The following SMPD4 variants were observed in gnomAD, a reference collection of about 807,000 sequenced individuals.
SMPD4 encodes neutral sphingomyelinase 3.
A neutral mutation model predicts 97.8 loss-of-function variants in SMPD4; 58 were observed. That is an observed-to-expected ratio of 0.59 (90% confidence interval 0.48 to 0.74). SMPD4 has a LOEUF of 0.74. Among genes scored for constraint, SMPD4 ranks in the 30% least tolerant of loss-of-function variants. The pLI is 0.00. For missense variants in SMPD4, 853 were observed against 1,080.5 expected (o/e 0.79, Z 2.95); for synonymous variants, 388 against 450.0 (o/e 0.86, Z 1.74).
chr2:130,155,439 G>A (rs779629972), intron 14 of SMPD4, among the ~76,000 whole-genome samples, 180 bp from the exon 15 acceptor site: 14 of 152,146 alleles, frequency 9.2e-5, no homozygotes, highest in Non-Finnish European at 1.8e-4. Context: ...GGACAGGACA[G>A]AGGCAGGTAA....
intron 1 of SMPD4, among the ~76,000 whole-genome samples, chr2:130,176,913 G>T (rs1419851588): frequency 2.0e-5 from 3 of 152,176 alleles, no homozygotes; most frequent in African/African-American, 7.2e-5. Flanking sequence ...TGATGCCCAG[G>T]ATCCTGGCCT....
intron 9 of SMPD4, among the ~76,000 whole-genome samples, chr2:130,166,308 CAAAAAAA>C (rs56226182): frequency 6.6e-5 from 4 of 60,902 alleles, no homozygotes; most frequent in African/African-American, 2.5e-4. Flanking sequence ...GACTCCATCT[CAAAAAAA>C]AAAAAAAAAA....
At chr2:130,178,451 A>C (rs1689173929) in intron 1 of SMPD4, among the ~76,000 whole-genome samples, 1 of 152,182 alleles carries the variant, frequency 6.6e-6, no homozygotes, top group East Asian at 1.9e-4. Context: ...CAATGAACGG[A>C]GGGGAAGAGC....
rs1385723268 is a variant in SMPD4 at position 130,173,501 on chromosome 2, C to T, written c.269+13G>A. On this transcript the variant is annotated intron_variant, in intron 4 of 19. Transcript: ENST00000680298. ...GAATCACCCAGCCTCTCTCCGGTGA[C>T]CAACCTACCTACCCAGGGTCGAGAA... 1 of 1,592,462 alleles carries T rather than the reference C, an allele frequency of 6.3e-7. No individual in the cohort carries two copies. Among genetic ancestry groups the T allele is most frequent in the Non-Finnish European group, 8.6e-7 (1 of 1,166,626 alleles).
intron 9 of SMPD4, among the ~76,000 whole-genome samples, chr2:130,166,654 C>G (rs1186575703): frequency 1.3e-5 from 2 of 152,220 alleles, no homozygotes; most frequent in Non-Finnish European, 2.9e-5. Context: ...GCCCCAGGAT[C>G]CAGCGTCAGA....
chr2:130,152,874 T>C lies in SMPD4; in HGVS notation c.2165A>G (p.Gln722Arg), dbSNP rs770372771. 1.3e-6 allele frequency: 2 copies of C among 1,582,864 alleles called. No individual in the cohort carries two copies. Among genetic ancestry groups the C allele is most frequent in the Non-Finnish European group, 1.7e-6 (2 of 1,162,174 alleles). The change falls in exon 20 of 20, where the codon CAG becomes CGG. Residue 722 changes from glutamine to arginine, a missense_variant. Physicochemically the swap from Gln to Arg is conservative, Grantham distance 43. This residue lies in a region of SMPD4 where 511 missense variants were observed against 608.1 expected (regional missense o/e 0.84). Transcript: ENST00000680298. ...SSAINHRFAG[Q>R]MAALCSRDDF... ...ATCCCGGGAACACAGAGCCGCCATC[T>C]GTCCTGCAAACTGAAGCACAGACAG...
At chr2:130,178,405 A>G (rs1354598761) in intron 1 of SMPD4, among the ~76,000 whole-genome samples, 1 of 152,192 alleles carries the variant, frequency 6.6e-6, no homozygotes, top group African/African-American at 2.4e-5. Flanking sequence ...AAACTGAGAC[A>G]GGGGCAAATC....
Position 130,152,624 on chromosome 2 carries a change from G to A in SMPD4, c.2415C>T (p.Thr805=), listed in dbSNP as rs772834274. 7.7e-6 allele frequency: 12 copies of A among 1,555,350 alleles called. No individual in the cohort carries two copies. The highest frequency in any genetic ancestry group is 1.4e-5 in the African/African-American group (1 of 73,342). Residue 805 remains threonine, a synonymous_variant, in exon 20 of 20, where the codon ACC becomes ACT. Transcript: ENST00000680298. ...CAGAGGCGTAGAGGACATAGCCCAG[G>A]GTGAGCAGCAGCGTGCATGGGAGGG... ...VGPLPCTLLL[T]LGYVLYASAM...
At chr2:130,154,857 C>T (rs898349821) in intron 15 of SMPD4, 55 of 639,290 alleles carry the variant, frequency 8.6e-5, no homozygotes, top group Middle Eastern at 8.5e-4. Flanking sequence ...CGTGCCGGCC[C>T]GCTCTGTGGG....
rs2104793015 is a variant in SMPD4 at position 130,152,692 on chromosome 2, G to T, written c.2347C>A (p.Leu783Met). 1 of 1,573,400 alleles carries T rather than the reference G, an allele frequency of 6.4e-7. No individual in the cohort carries two copies. Among genetic ancestry groups the T allele is most frequent in the Non-Finnish European group, 8.6e-7 (1 of 1,160,684 alleles). ...FLGSYRTLVS[L>M]LLAFFVASLF... The stretch of plus-strand genomic sequence containing the variant: ...GAGGCCACGAAGAAGGCCAGCAGCA[G>T]CGAGACCAGCGTCCGGTAACTGCCC... The change falls in exon 20 of 20, where the codon CTG (leucine) becomes ATG (methionine). Residue 783 changes from leucine to methionine, a missense_variant. Leu to Met is a conservative substitution (Grantham distance 15). This residue lies in a region of SMPD4 where 511 missense variants were observed against 608.1 expected (regional missense o/e 0.84). Coordinates refer to ENST00000680298, the MANE Select transcript of SMPD4 (RefSeq NM_017951.5).
chr2:130,165,833 G>A (rs546263836), intron 9 of SMPD4, among the ~76,000 whole-genome samples: 4 of 152,218 alleles, frequency 2.6e-5, no homozygotes, highest in South Asian at 4.1e-4. Flanking sequence ...GCCTCCCAAC[G>A]CACTAAGATT....
Position 130,175,544 on chromosome 2 carries a change from A to G in SMPD4, c.40-544T>C, listed in dbSNP as rs1185425211. ...ACCACTAAACCAATGATCTTAAAAC[A>G]CAGGGCAGACAAAAATTATAGATGG... On this transcript the variant is annotated intron_variant, in intron 2 of 19. Coordinates refer to ENST00000680298, the MANE Select transcript of SMPD4 (RefSeq NM_017951.5). Among the ~76,000 whole-genome samples the G allele has an allele frequency of 3.3e-5, 5 of 152,204 alleles. No individual in the cohort carries two copies. In the East Asian group the frequency reaches 9.6e-4, roughly 29 times the overall value.
At position 130,167,681 on chromosome 2, in the gene SMPD4, C is replaced by T. The variant is rs894124895; in HGVS notation, c.660-91G>A. The T allele has an allele frequency of 5.4e-5, 76 of 1,416,546 alleles. No homozygotes were observed. In the Middle Eastern group the frequency reaches 9.8e-4, roughly 18 times the overall value. 87.7% of individuals were successfully genotyped at this position (1,416,546 alleles called of 1,614,324 possible). A position where few individuals can be genotyped will look rare whatever the true frequency, so the allele number is the denominator to read the frequency against. On this transcript the variant is annotated intron_variant, in intron 8 of 19. Transcript: ENST00000680298. ...GGGGCAATCTGGATATCAAAATCAA[C>T]GAGAGCAGGGACAGATTACAACTTG...
rs1688566910 is a variant in SMPD4 at position 130,172,490 on chromosome 2, A to C, written c.518T>G (p.Val173Gly). ...GTCTGAAGTACGGACGTGGAGGGAC[A>C]CAGGAAGTGGCTGGAAAACCAAGCT... is the stretch of plus-strand genomic sequence containing the variant. Reference protein sequence around the residue: ...LSLITQKPLPVSLHVRTSDCA... With the variant: ...LSLITQKPLPGSLHVRTSDCA... Residue 173 changes from valine (V) to glycine (G), a missense_variant, in exon 8 of 20, where the codon GTG (valine) becomes GGG (glycine). By Grantham distance (109) the Val-to-Gly change is moderately radical. Coordinates refer to ENST00000680298, the MANE Select transcript of SMPD4 (RefSeq NM_017951.5). The C allele has an allele frequency of 6.2e-7, 1 of 1,611,332 alleles. No individual in the cohort carries two copies. Among genetic ancestry groups the C allele is most frequent in the African/African-American group, 1.3e-5 (1 of 74,900 alleles).
chr2:130,166,844 G>A (rs1164923000), intron 9 of SMPD4, among the ~76,000 whole-genome samples: 1 of 152,256 alleles, frequency 6.6e-6, no homozygotes, highest in Non-Finnish European at 1.5e-5. Flanking sequence ...GCCTGTGGAG[G>A]CTGCACAGAC....
Position 130,153,350 on chromosome 2 carries a change from C to A in SMPD4, c.1994G>T (p.Gly665Val), listed in dbSNP as rs756822260. The A allele has an allele frequency of 1.2e-6, 2 of 1,613,826 alleles. No individual in the cohort carries two copies. Among genetic ancestry groups the A allele is most frequent in the South Asian group, 2.2e-5 (2 of 91,074 alleles). The change falls in exon 18 of 20, where the codon GGA becomes GTA. Residue 665 changes from glycine to valine, a missense_variant. Gly to Val is a moderately radical substitution (Grantham distance 109). Around this residue, in one of 3 missense-constraint regions of SMPD4, gnomAD observed 511 missense variants for 608.1 expected, o/e 0.84. Transcript: ENST00000680298. Reference sequence around the variant, plus strand: ...CCGCCCCAGGGGCGTAAGGATGAGTCCGTCCTCACCCACGATGCAGTCGGG... The same window carrying A: ...CCGCCCCAGGGGCGTAAGGATGAGTACGTCCTCACCCACGATGCAGTCGGG... ...QLPDCIVGED[G>V]LILTPLGRYQ...
chr2:130,168,594 A>G (rs1174676934), intron 8 of SMPD4, among the ~76,000 whole-genome samples: 3 of 151,986 alleles, frequency 2.0e-5, no homozygotes, highest in African/African-American at 7.2e-5. Context: ...ATCACAGCTC[A>G]CTGCAACCTC....
chr2:130,176,021 C>G (rs949243539), intron 2 of SMPD4, among the ~76,000 whole-genome samples: 139 of 151,930 alleles, frequency 9.1e-4, no homozygotes, highest in African/African-American at 3.2e-3. Flanking sequence ...TGAGTCTTTA[C>G]TATGTTGCCC....
intron 10 of SMPD4, among the ~76,000 whole-genome samples, 171 bp downstream of exon 10, chr2:130,164,203 C>T (rs1687698763): frequency 6.6e-6 from 1 of 152,106 alleles, no homozygotes; most frequent in South Asian, 2.1e-4. Flanking sequence ...TGCCCGCCAC[C>T]GGAAACTAGA....
Sources: allele counts gnomAD v4.1 joint callset (sites outside exome capture counted in the v4.1 genomes callset), GRCh38; gene constraint gnomAD v4.1.1; regional missense constraint gnomAD v4.1.1; transcripts MANE v1.5; gene names NCBI Gene and HGNC (gene_info 2026-07-23, HGNC 2026-07-21).